ZC3H4: variants seen among roughly 807,000 people sequenced by gnomAD.
ZC3H4 encodes zinc finger CCCH domain-containing protein 4.
In ZC3H4, 13 loss-of-function variants were observed where a neutral mutation model predicts 108.3. The ratio of observed to expected loss-of-function variants is 0.12; its 90% confidence interval spans 0.08 to 0.19. ZC3H4 has a LOEUF of 0.19. Among genes scored for constraint, ZC3H4 ranks in the 10% least tolerant of loss-of-function variants. ZC3H4 has a pLI of 1.00. For synonymous variants in ZC3H4, 917 were observed against 749.6 expected, an observed-to-expected ratio of 1.22 and a Z score of -3.65; for missense variants, 1,734 against 1,838.8, an observed-to-expected ratio of 0.94 and a Z score of 1.04.
At chr19:47,068,345 T>A (rs578098080) in intron 14 of ZC3H4, among the ~76,000 whole-genome samples, 4 of 152,282 alleles carry the variant, frequency 2.6e-5, no homozygotes, top group African/African-American at 9.6e-5. Context: ...GCAGACACCA[T>A]TGACTCAGTT....
Position 47,072,511 on chromosome 19 carries a change from G to C in ZC3H4, c.1643C>G (p.Pro548Arg). The change falls in exon 12 of 15, where the codon CCT becomes CGT. Residue 548 changes from proline to arginine, a missense_variant. By Grantham distance (103) the Pro-to-Arg change is moderately radical. This residue lies in a region of ZC3H4 where 75 missense variants were observed against 85.8 expected (regional missense o/e 0.87). Transcript: ENST00000253048. This position sits in a 1 kb window ranked among gnomAD's most constrained non-coding sequence, Gnocchi z 5.6. The stretch of plus-strand genomic sequence containing the variant: ...CTGAGGGGGCCCGGGCGGTGGGGGA[G>C]GGGGAGGGGGCGGGGGCGGGGGGCC... ...QGGPPPPPPP[P>R]PPPPGPPQMP... 1 of 1,377,982 alleles carries C rather than the reference G, an allele frequency of 7.3e-7. No homozygotes were observed. The highest frequency in any genetic ancestry group is 1.4e-5 in the South Asian group (1 of 73,842). The allele number at this position is 1,377,982 out of a possible 1,614,324, so 85.4% of individuals were successfully genotyped here. A position where few individuals can be genotyped will look rare whatever the true frequency, so the allele number is the denominator to read the frequency against.
At chr19:47,071,572 C>T (rs140507999) in intron 13 of ZC3H4, among the ~76,000 whole-genome samples, 14 of 152,266 alleles carry the variant, frequency 9.2e-5, no homozygotes, top group Non-Finnish European at 8.8e-5. Context: ...AAGAAATAAC[C>T]TATATTGGTA....
At chr19:47,107,720 T>C (rs948178909) in intron 2 of ZC3H4, among the ~76,000 whole-genome samples, 2 of 151,610 alleles carry the variant, frequency 1.3e-5, no homozygotes, top group African/African-American at 4.9e-5. Context: ...AGGCCGTATC[T>C]TCATTTTTGT....
chr19:47,107,344 A>G (rs1232266287), intron 2 of ZC3H4, among the ~76,000 whole-genome samples: 6 of 152,176 alleles, frequency 3.9e-5, no homozygotes, highest in East Asian at 1.9e-4. Flanking sequence ...GGTGTCCCCA[A>G]ATGCACTCAT....
Position 47,066,780 on chromosome 19 carries a change from G to A in ZC3H4, c.3488C>T (p.Pro1163Leu), listed in dbSNP as rs533024987. The A allele has an allele frequency of 5.2e-5, 83 of 1,601,574 alleles. No individual in the cohort carries two copies. In the Admixed American group the frequency reaches 9.9e-4, roughly 19 times the overall value. Reference sequence around the variant, plus strand: ...GGGCTGGGCACCCGTGTCAGCAGCCGGCTCTGTGGCTTTGCCCCCCGCGTT... The same window carrying A: ...GGGCTGGGCACCCGTGTCAGCAGCCAGCTCTGTGGCTTTGCCCCCCGCGTT... The part of the protein sequence containing the change: ...TPNAGGKATE[P>L]AADTGAQPKG... The change falls in exon 15 of 15, where the codon CCG becomes CTG. Residue 1163 changes from proline to leucine, a missense_variant. Physicochemically the swap from Pro to Leu is moderately conservative, Grantham distance 98 (BLOSUM62 -3). Transcript: ENST00000253048.
At chr19:47,076,325 G>GCA (rs10531908) in intron 11 of ZC3H4, among the ~76,000 whole-genome samples, 4,453 of 151,120 alleles carry the variant, frequency 0.029, 134 homozygotes, top group Admixed American at 0.1. Flanking sequence ...GCGCGCGCGC[G>GCA]CACACACACA....
In ZC3H4 at chr19:47,104,747, G is replaced by A. The variant is rs371245590; in HGVS notation, c.161+7677C>T. Among the ~76,000 whole-genome samples the A allele has an allele frequency of 2.3e-4, 35 of 152,302 alleles. No homozygotes were observed. In the East Asian group the frequency reaches 3.7e-3, roughly 16 times the overall value. ...AGCTTCAGTTACTGTGACTGCTCTC[G>A]TTCCCCGTGGAGTGGCAGGGCCTGC... On this transcript the variant is annotated intron_variant, in intron 2 of 14. Coordinates refer to ENST00000253048, the MANE Select transcript of ZC3H4 (RefSeq NM_015168.2).
chr19:47,070,547 C>T (rs2057308055), intron 13 of ZC3H4, among the ~76,000 whole-genome samples: 1 of 152,184 alleles, frequency 6.6e-6, no homozygotes, highest in African/African-American at 2.4e-5. Flanking sequence ...TCCCGTGCAC[C>T]TTTTAGACGC....
intron 4 of ZC3H4, among the ~76,000 whole-genome samples, chr19:47,092,243 A>T (rs1012716108): frequency 2.0e-5 from 3 of 152,156 alleles, no homozygotes; most frequent in African/African-American, 7.2e-5. Context: ...CACTAATTTT[A>T]AAAAATCCGA....
chr19:47,081,702 T>A, intron 10 of ZC3H4, 80 bp from the exon 11 acceptor site: 1 of 1,237,456 alleles, frequency 8.1e-7, no homozygotes, highest in East Asian at 2.3e-5. Context: ...AGAATCCAGC[T>A]CCCTTTGTTT....
rs1322700885 is a variant in ZC3H4 at position 47,071,866 on chromosome 19, G to A, written c.2058C>T (p.Pro686=). Residue 686 remains proline (P), a synonymous_variant, in exon 13 of 15, where the codon CCC becomes CCT. Coordinates refer to ENST00000253048, the MANE Select transcript of ZC3H4 (RefSeq NM_015168.2). The part of the protein sequence containing the change: ...PGDSPHSGMM[P]PIPPAQNFYE... The stretch of plus-strand genomic sequence containing the variant: ...AGAAGTTCTGGGCTGGCGGGATAGG[G>A]GGCATCATTCCAGAATGTGGGGAGT... 1 of 1,613,630 alleles carries A rather than the reference G, an allele frequency of 6.2e-7. No individual in the cohort carries two copies. Among genetic ancestry groups the A allele is most frequent in the Non-Finnish European group, 8.5e-7 (1 of 1,179,838 alleles).
At chr19:47,075,425 G>A (rs894856380) in intron 11 of ZC3H4, among the ~76,000 whole-genome samples, 2 of 152,028 alleles carry the variant, frequency 1.3e-5, no homozygotes, top group East Asian at 1.9e-4. Flanking sequence ...CATGGCTTGC[G>A]CTGCAGCTGC....
chr19:47,072,013 G>C lies in ZC3H4; in HGVS notation c.1911C>G (p.His637Gln). 1 of 1,592,492 alleles carries C rather than the reference G, an allele frequency of 6.3e-7. No individual in the cohort carries two copies. The highest frequency in any genetic ancestry group is 1.8e-5 in the Admixed American group (1 of 55,680). The change falls in exon 13 of 15, where the codon CAC becomes CAG. Residue 637 changes from histidine to glutamine, a missense_variant. His to Gln is a conservative substitution (Grantham distance 24). Transcript: ENST00000253048. The surrounding 1 kb of genome is among the most constrained non-coding windows in gnomAD (Gnocchi z 5.6). The stretch of plus-strand genomic sequence containing the variant: ...CGTGCATGTCAGGGTGCATGTCCGG[G>C]TGCATGTCGGGGTGCATGTCAGGAT... ...PMHPDMHPDM[H>Q]PDMHPDMHAD... is the part of the protein sequence containing the mutation.
At chr19:47,108,322 G>T (rs2057993061) in intron 2 of ZC3H4, among the ~76,000 whole-genome samples, 1 of 152,080 alleles carries the variant, frequency 6.6e-6, no homozygotes, top group Non-Finnish European at 1.5e-5. Flanking sequence ...GGTTTGACTT[G>T]ATAGCTATCC....
At chr19:47,106,589 C>T (rs2057971050) in intron 2 of ZC3H4, among the ~76,000 whole-genome samples, 2 of 152,202 alleles carry the variant, frequency 1.3e-5, no homozygotes, top group African/African-American at 4.8e-5. Flanking sequence ...TTAATTAAGG[C>T]ATCTGCTTTC....
At chr19:47,077,865 A>C (rs1038560921) in intron 11 of ZC3H4, among the ~76,000 whole-genome samples, 2 of 151,486 alleles carry the variant, frequency 1.3e-5, no homozygotes, top group Non-Finnish European at 2.9e-5. Flanking sequence ...CTCAAACAAA[A>C]AAAAAAAAAA....
At chr19:47,075,607 T>C (rs543604559) in intron 11 of ZC3H4, among the ~76,000 whole-genome samples, 263 of 151,986 alleles carry the variant, frequency 1.7e-3, no homozygotes, top group African/African-American at 6.0e-3. Flanking sequence ...CACGTGTGTG[T>C]GCGCACACAC....
In ZC3H4 at chr19:47,087,970, G is replaced by C. The variant is rs535169802; in HGVS notation, c.716-1432C>G. ...GGGCGGATCACGAAGTCAGGAGATC[G>C]AGACCATCCTGGCTAACATGGTGAA... On this transcript the variant is annotated intron_variant, in intron 5 of 14. Transcript: ENST00000253048. Among the ~76,000 whole-genome samples, 9 of 151,848 alleles carry C rather than the reference G, an allele frequency of 5.9e-5. No homozygotes were observed. The South Asian group carries it at 1.7e-3, about 28-fold the overall frequency.
At position 47,066,937 on chromosome 19, in the gene ZC3H4, C is replaced by T. The variant is rs769954752; in HGVS notation, c.3331G>A (p.Gly1111Arg). The change falls in exon 15 of 15, where the codon GGG becomes AGG. Residue 1111 changes from glycine (G) to arginine (R), a missense_variant. Around this residue, in one of 9 missense-constraint regions of ZC3H4, gnomAD observed 518 missense variants for 499.6 expected, o/e 1.04. Transcript: ENST00000253048. ...EAPSPTASPS[G>R]DASPPATAPY... ...GCGGTGGCTGGTGGGGAGGCATCCC[C>T]ACTCGGGCTGGCGGTGGGAGAGGGC... 3.1e-6 allele frequency: 5 copies of T among 1,595,540 alleles called. No homozygotes were observed. In the East Asian group the frequency reaches 9.0e-5, roughly 29 times the overall value.
Sources: gnomAD v4.1 joint callset for allele counts (sites outside exome capture counted in the v4.1 genomes callset) on GRCh38, gnomAD v4.1.1 for gene constraint, gnomAD v4.1.1 regional missense constraint, Gnocchi (gnomAD v3.1) non-coding constraint, MANE v1.5 for transcripts, NCBI Gene and HGNC (gene_info 2026-07-23, HGNC 2026-07-21) for gene names.